The following GNG7 variants were observed in gnomAD, a reference collection of about 807,000 sequenced individuals.
The protein encoded by GNG7 is G protein subunit gamma 7, also known as guanine nucleotide-binding protein G(I)/G(S)/G(O) subunit gamma-7.
Under a neutral mutation model 4.0 loss-of-function variants are expected in GNG7, and 1 was observed. That is an observed-to-expected ratio of 0.25 (90% CI 0.09 to 1.18). GNG7 has a LOEUF of 1.18. Among genes scored for constraint, GNG7 ranks in the 50% most tolerant of loss-of-function variants. The pLI is 0.50. For missense variants in GNG7, 86 were observed against 91.9 expected, an observed-to-expected ratio of 0.94 and a Z score of 0.26; for synonymous variants, 34 against 36.9, an observed-to-expected ratio of 0.92 and a Z score of 0.29.
intron 2 of GNG7, among the ~76,000 whole-genome samples, 168 bp downstream of exon 2, chr19:2,646,056 T>C (rs181286758): frequency 4.6e-5 from 7 of 152,200 alleles, no homozygotes; most frequent in African/African-American, 1.4e-4. Context: ...TAGCAGCTGT[T>C]ACCCACACCT....
chr19:2,690,385 A>G (rs539951447), intron 1 of GNG7, among the ~76,000 whole-genome samples: 85 of 152,104 alleles, frequency 5.6e-4, no homozygotes, highest in Non-Finnish European at 1.1e-3. Flanking sequence ...TGTCTCAAAA[A>G]ATAAAATAAA....
intron 2 of GNG7, among the ~76,000 whole-genome samples, chr19:2,601,376 T>TTCCCCAGCCATGTGAG (rs1404338892): frequency 2.0e-5 from 3 of 152,130 alleles, no homozygotes; most frequent in Non-Finnish European, 4.4e-5. Flanking sequence ...GGCAGTGTGT[T>TTCCCCAGCCATGTGAG]TCCCCAGCCA....
chr19:2,538,359 A>G, intron 3 of GNG7: 1 of 445,142 alleles, frequency 2.2e-6, no homozygotes, highest in Non-Finnish European at 4.5e-6. Flanking sequence ...GTGGTGACTC[A>G]TGCCTGTGAT....
intron 2 of GNG7, among the ~76,000 whole-genome samples, chr19:2,563,581 G>A (rs1979812478): frequency 1.3e-5 from 2 of 152,186 alleles, no homozygotes; most frequent in South Asian, 2.1e-4. Flanking sequence ...CCGGGTTCAA[G>A]TGATTCTCCT....
chr19:2,631,715 G>A (rs1201211441), intron 2 of GNG7, among the ~76,000 whole-genome samples: 2 of 152,150 alleles, frequency 1.3e-5, no homozygotes, highest in South Asian at 2.1e-4. Flanking sequence ...GGAAGTGGAG[G>A]GCCAGACTGG....
At chr19:2,656,109 G>A (rs1276068134) in intron 1 of GNG7, among the ~76,000 whole-genome samples, 1 of 151,350 alleles carries the variant, frequency 6.6e-6, no homozygotes, top group Non-Finnish European at 1.5e-5. Flanking sequence ...GTGTGCTGTT[G>A]GTGGGAATGT....
At chr19:2,625,409 G>A (rs1477131325) in intron 2 of GNG7, among the ~76,000 whole-genome samples, 1 of 152,056 alleles carries the variant, frequency 6.6e-6, no homozygotes, top group Non-Finnish European at 1.5e-5. Context: ...AATAGAGGGG[G>A]GTCTCTGTTG....
At chr19:2,516,503 C>T (rs571332085) in intron 4 of GNG7, among the ~76,000 whole-genome samples, 58 of 152,066 alleles carry the variant, frequency 3.8e-4, no homozygotes, top group Non-Finnish European at 6.8e-4. Flanking sequence ...GGATTACAGG[C>T]GTGAGCCACG....
At chr19:2,525,495 C>A (rs528708099) in intron 3 of GNG7, among the ~76,000 whole-genome samples, 79 of 148,260 alleles carry the variant, frequency 5.3e-4, no homozygotes, top group Non-Finnish European at 9.3e-4. Flanking sequence ...GGTACCCCCC[C>A]ACTCCAGGAC....
rs1346300408 is a variant in GNG7, at chr19:2,653,930, G to A, written c.-134-7650C>T. ...CAACAGAGGCGAGGGGACAGCTCTC[G>A]CCTGCCTCGGCGAGCCCGGGTTCCA... On this transcript the variant is annotated intron_variant, in intron 1 of 4. Coordinates refer to ENST00000382159, the MANE Select transcript of GNG7 (RefSeq NM_052847.3). The surrounding 1 kb of genome is among the most constrained non-coding windows in gnomAD (Gnocchi z 4.8). Among the ~76,000 whole-genome samples, 6 of 152,168 alleles carry A rather than the reference G, an allele frequency of 3.9e-5. No individual in the cohort carries two copies. The highest frequency in any genetic ancestry group is 1.9e-4 in the East Asian group (1 of 5,184).
intron 1 of GNG7, among the ~76,000 whole-genome samples, chr19:2,676,522 C>G (rs1983596844): frequency 6.6e-6 from 1 of 152,168 alleles, no homozygotes; most frequent in Non-Finnish European, 1.5e-5. Flanking sequence ...AGCGATCCTC[C>G]CACCTCAGCC....
intron 3 of GNG7, among the ~76,000 whole-genome samples, chr19:2,527,442 G>A (rs1010266395): frequency 6.6e-6 from 1 of 152,166 alleles, no homozygotes; most frequent in Non-Finnish European, 1.5e-5. Context: ...CCCCGCCCTC[G>A]AACCTGTCCC....
At chr19:2,575,854 CAGGCACACGCAG>C (rs1477810066) in intron 2 of GNG7, among the ~76,000 whole-genome samples, 10 of 147,018 alleles carry the variant, frequency 6.8e-5, no homozygotes, top group African/African-American at 2.2e-4. Context: ...CGCAGACACG[CAGGCACACGCAG>C]ACACAGGCAC....
At chr19:2,579,149 G>C (rs754543066) in intron 2 of GNG7, among the ~76,000 whole-genome samples, 1 of 152,262 alleles carries the variant, frequency 6.6e-6, no homozygotes, top group Non-Finnish European at 1.5e-5. Flanking sequence ...CTCAGCATCT[G>C]CGGGATGGGT....
At chr19:2,523,151 G>A (rs1978318812) in intron 3 of GNG7, among the ~76,000 whole-genome samples, 2 of 151,914 alleles carry the variant, frequency 1.3e-5, no homozygotes, top group South Asian at 4.2e-4. Flanking sequence ...ACAGGCATGA[G>A]CCACCATGCC....
rs753275850 is a variant in GNG7 at position 2,520,658 on chromosome 19, G to A, written c.31C>T (p.Arg11Trp). The change falls in exon 4 of 5, where the codon CGG becomes TGG. Residue 11 changes from arginine to tryptophan, a missense_variant. Physicochemically the swap from Arg to Trp is moderately radical, Grantham distance 101. Coordinates refer to ENST00000382159, the MANE Select transcript of GNG7 (RefSeq NM_052847.3). ...ATGCGTAGCTGTTCCACCAGCTTCC[G>A]GGCCTGGGCTATGTTGTTAGTGGCT... MSATNNIAQARKLVEQLRIEA... is the reference protein window; with the variant it reads MSATNNIAQAWKLVEQLRIEA... 3.2e-6 allele frequency: 5 copies of A among 1,551,922 alleles called. No individual in the cohort carries two copies. The highest frequency in any genetic ancestry group is 2.7e-5 in the African/African-American group (2 of 73,450).
At chr19:2,604,997 A>C (rs751584034) in intron 2 of GNG7, among the ~76,000 whole-genome samples, 6 of 152,144 alleles carry the variant, frequency 3.9e-5, no homozygotes, top group Admixed American at 6.6e-5. Context: ...AAAACAATGG[A>C]AATGGATTCT....
At chr19:2,674,120 C>A (rs2144891888) in intron 1 of GNG7, among the ~76,000 whole-genome samples, 1 of 152,190 alleles carries the variant, frequency 6.6e-6, no homozygotes, top group South Asian at 2.1e-4. Context: ...AAAAACTAGC[C>A]AGGTGTAGTG....
chr19:2,655,981 T>A (rs1409598470), intron 1 of GNG7, among the ~76,000 whole-genome samples: 1 of 137,794 alleles, frequency 7.3e-6, no homozygotes, highest in East Asian at 2.1e-4. Flanking sequence ...GCCAGGATCG[T>A]GCCACTGCAC....
Sources: allele counts gnomAD v4.1 joint callset (sites outside exome capture counted in the v4.1 genomes callset), GRCh38; gene constraint gnomAD v4.1.1; non-coding constraint Gnocchi (gnomAD v3.1); transcripts MANE v1.5; gene names NCBI Gene and HGNC (gene_info 2026-07-23, HGNC 2026-07-21).